The following CDK8 variants were observed in gnomAD, a reference collection of about 807,000 sequenced individuals.
CDK8 encodes cyclin dependent kinase 8, also known as cyclin-dependent kinase 8.
Under a neutral mutation model 71.5 loss-of-function variants are expected in CDK8, and 29 were observed. That is an observed-to-expected ratio of 0.41 (90% CI 0.30 to 0.55). The LOEUF is 0.55. Among genes scored for constraint, CDK8 ranks in the 20% least tolerant of loss-of-function variants. The pLI is 0.37. For synonymous variants in CDK8, 161 were observed against 192.1 expected, an observed-to-expected ratio of 0.84 and a Z score of 1.34; for missense variants, 288 against 572.6, an observed-to-expected ratio of 0.50 and a Z score of 5.07.
chr13:26,291,380 G>A (rs1873291559), intron 1 of CDK8, among the ~76,000 whole-genome samples: 1 of 152,144 alleles, frequency 6.6e-6, no homozygotes, highest in Non-Finnish European at 1.5e-5. Context: ...ATAGATGTAT[G>A]TATATACATA....
Position 26,254,584 on chromosome 13 carries a change from T to TGCCCCCCCCCGCCCCCCCGCCCCCCCCCC in CDK8, c.-58_-57insGCCCCCCCCCGCCCCCCCGCCCCCCCCCC. ...GCTGCGGCTGCCCGTGCTTCCCCGG[T>TGCCCCCCCCCGCCCCCCCGCCCCCCCCCC]CCCCACCCCTGCCCCCCGGCCCCCC... On this transcript the variant is annotated 5_prime_UTR_variant, in exon 1 of 13. Transcript: ENST00000381527. The surrounding 1 kb of genome is among the most constrained non-coding windows in gnomAD (Gnocchi z 6.7). The TGCCCCCCCCCGCCCCCCCGCCCCCCCCCC allele has an allele frequency of 7.7e-7, 1 of 1,291,282 alleles. No homozygotes were observed. The highest frequency in any genetic ancestry group is 1.4e-5 in the South Asian group (1 of 73,178). 80.0% of individuals were successfully genotyped at this position (1,291,282 alleles called of 1,614,324 possible). A position where few individuals can be genotyped will look rare whatever the true frequency, so the allele number is the denominator to read the frequency against.
chr13:26,379,669 G>A (rs1384085224), intron 4 of CDK8, among the ~76,000 whole-genome samples: 1 of 152,194 alleles, frequency 6.6e-6, no homozygotes, highest in African/African-American at 2.4e-5. Flanking sequence ...GATAGACAGA[G>A]GAGAGACATG....
chr13:26,333,343 C>T (rs1872842439), intron 1 of CDK8, among the ~76,000 whole-genome samples: 1 of 151,974 alleles, frequency 6.6e-6, no homozygotes, highest in African/African-American at 2.4e-5. Context: ...TTTCACTATG[C>T]TGTCTAGGCT....
At chr13:26,352,509 C>T (rs1873725205) in intron 3 of CDK8, among the ~76,000 whole-genome samples, 1 of 152,160 alleles carries the variant, frequency 6.6e-6, no homozygotes, top group Admixed American at 6.5e-5. Flanking sequence ...AGCCACCATG[C>T]CCGGCCCAAG....
chr13:26,313,646 A>G (rs995675514), intron 1 of CDK8, among the ~76,000 whole-genome samples: 1 of 152,182 alleles, frequency 6.6e-6, no homozygotes, highest in African/African-American at 2.4e-5. Context: ...TAATCTCCAA[A>G]GTGTATGTTA....
At chr13:26,389,723 C>T (rs1032589736) in intron 6 of CDK8, among the ~76,000 whole-genome samples, 1 of 151,950 alleles carries the variant, frequency 6.6e-6, no homozygotes, top group Non-Finnish European at 1.5e-5. Context: ...TAAGGTCAGG[C>T]ACGGTGGCTC....
Position 26,401,157 on chromosome 13 carries a change from CA to C in CDK8, c.1032-109del, listed in dbSNP as rs955334051. 8.4e-6 allele frequency: 7 copies of C among 832,290 alleles called. No individual in the cohort carries two copies. The African/African-American group carries it at 8.6e-5, about 10-fold the overall frequency. 51.6% of individuals were successfully genotyped at this position (832,290 alleles called of 1,614,324 possible). The stretch of plus-strand genomic sequence containing the variant: ...GTTACATGAAAGGTGCTTATATTTG[CA>C]AATATGGAGACAAAGTTCATCTTAA... On this transcript the variant is annotated intron_variant, in intron 10 of 12. Coordinates refer to ENST00000381527, the MANE Select transcript of CDK8 (RefSeq NM_001260.3). The surrounding 1 kb of genome is among the most constrained non-coding windows in gnomAD (Gnocchi z 4.5).
chr13:26,356,334 A>G (rs1193024011), intron 4 of CDK8, among the ~76,000 whole-genome samples: 2 of 152,180 alleles, frequency 1.3e-5, no homozygotes, highest in African/African-American at 2.4e-5. Flanking sequence ...CCCTCTTGCC[A>G]TTATTTAAAG....
intron 4 of CDK8, among the ~76,000 whole-genome samples, chr13:26,361,959 A>G (rs1874165103): frequency 6.6e-6 from 1 of 151,920 alleles, no homozygotes; most frequent in Non-Finnish European, 1.5e-5. Flanking sequence ...TAATGCACTT[A>G]TTATTGGCTG....
chr13:26,375,230 A>G (rs1034694923), intron 4 of CDK8, among the ~76,000 whole-genome samples: 1 of 152,236 alleles, frequency 6.6e-6, no homozygotes, highest in East Asian at 1.9e-4. Context: ...GAGATCATAG[A>G]TGATTTTGTT....
chr13:26,396,766 A>G (rs1239631638), intron 8 of CDK8, among the ~76,000 whole-genome samples: 2 of 152,250 alleles, frequency 1.3e-5, no homozygotes, highest in East Asian at 1.9e-4. Context: ...CCTGTTTACA[A>G]TGCAAAGCCA....
chr13:26,385,488 A>G, intron 6 of CDK8, 146 bp downstream of exon 6: 3 of 613,472 alleles, frequency 4.9e-6, no homozygotes, highest in Non-Finnish European at 7.7e-6. Flanking sequence ...TAATCCAAGC[A>G]CTTTGGGAGG....
chr13:26,280,141 C>G (rs1014146976), intron 1 of CDK8, among the ~76,000 whole-genome samples: 1 of 152,144 alleles, frequency 6.6e-6, no homozygotes, highest in Non-Finnish European at 1.5e-5. Context: ...TGTAATTCCA[C>G]ATGGCTGTGT....
chr13:26,309,716 C>A (rs193074270), intron 1 of CDK8, among the ~76,000 whole-genome samples: 2 of 152,248 alleles, frequency 1.3e-5, no homozygotes, highest in East Asian at 3.9e-4. Flanking sequence ...ATTTACATCC[C>A]AGCCCAGATA....
intron 1 of CDK8, among the ~76,000 whole-genome samples, 193 bp from the exon 2 acceptor site, chr13:26,337,373 AG>A (rs548868682): frequency 7.6e-4 from 115 of 152,272 alleles, no homozygotes; most frequent in African/African-American, 1.9e-3. Flanking sequence ...ATTCCTTTGA[AG>A]CTAACTTCCC....
chr13:26,280,434 G>C (rs374877975), intron 1 of CDK8, among the ~76,000 whole-genome samples: 33 of 152,314 alleles, frequency 2.2e-4, no homozygotes, highest in African/African-American at 7.5e-4. Flanking sequence ...AGGTCCCAGG[G>C]CTGCATAACA....
At chr13:26,402,429 A>G (rs1409645323) in intron 12 of CDK8, among the ~76,000 whole-genome samples, 1 of 152,184 alleles carries the variant, frequency 6.6e-6, no homozygotes, top group Non-Finnish European at 1.5e-5. Context: ...TCAGTGTGGG[A>G]AGGATACTGA....
Position 26,404,061 on chromosome 13 carries a change from C to A in CDK8, c.1375C>A (p.His459Asn), listed in dbSNP as rs1876395709. The stretch of plus-strand genomic sequence containing the variant: ...CTCCCAGCAGCCTCCACAGTACTCA[C>A]ATCAGACACATCGGTACTGAGCTGC... ...ATSQQPPQYS[H>N]QTHRY Residue 459 changes from histidine (H) to asparagine (N), a missense_variant, in exon 13 of 13, where the codon CAT becomes AAT. Coordinates refer to ENST00000381527, the MANE Select transcript of CDK8 (RefSeq NM_001260.3). The A allele has an allele frequency of 6.2e-7, 1 of 1,614,038 alleles. No individual in the cohort carries two copies. Among genetic ancestry groups the A allele is most frequent in the Non-Finnish European group, 8.5e-7 (1 of 1,179,968 alleles).
At chr13:26,354,840 A>T (rs1350570590) in intron 4 of CDK8, among the ~76,000 whole-genome samples, 3 of 152,286 alleles carry the variant, frequency 2.0e-5, no homozygotes, top group African/African-American at 4.8e-5. Flanking sequence ...TTAAATTTTC[A>T]TGGATTTAAA....
Sources: allele counts gnomAD v4.1 joint callset (sites outside exome capture counted in the v4.1 genomes callset), GRCh38; gene constraint gnomAD v4.1.1; non-coding constraint Gnocchi (gnomAD v3.1); transcripts MANE v1.5; gene names NCBI Gene and HGNC (gene_info 2026-07-23, HGNC 2026-07-21).